CHMP3: variants seen among roughly 807,000 people sequenced by gnomAD.
The protein encoded by CHMP3 is charged multivesicular body protein 3, also known as 25.1 protein.
In CHMP3, 8 loss-of-function variants were observed where a neutral mutation model predicts 27.4. That is an observed-to-expected ratio of 0.29 (90% CI 0.17 to 0.53). The LOEUF (loss-of-function observed/expected upper bound fraction) is 0.53, where lower values mean the gene tolerates loss of function less well. Ranked by LOEUF, CHMP3 falls within the 20% of genes least tolerant of loss-of-function variation. The pLI, the probability that CHMP3 is intolerant of heterozygous loss-of-function variation, is 0.96. For synonymous variants in CHMP3, 86 were observed against 85.5 expected (o/e 1.01, Z -0.03); for missense variants, 208 against 271.5 (o/e 0.77, Z 1.64).
intron 1 of CHMP3, among the ~76,000 whole-genome samples, chr2:86,559,540 T>C (rs879356209): frequency 1.3e-5 from 2 of 152,388 alleles, no homozygotes; most frequent in Non-Finnish European, 2.9e-5. Context: ...AATTACAGAC[T>C]AATGCTAAGT....
At chr2:86,525,806 A>C (rs1675683525) in intron 3 of CHMP3, among the ~76,000 whole-genome samples, 1 of 152,236 alleles carries the variant, frequency 6.6e-6, no homozygotes, top group South Asian at 2.1e-4. Flanking sequence ...GACTGGAAGA[A>C]GACAAAGTGG....
At chr2:86,550,129 AC>A in intron 1 of CHMP3, among the ~76,000 whole-genome samples, 1 of 152,140 alleles carries the variant, frequency 6.6e-6, no homozygotes, top group East Asian at 1.9e-4. Context: ...CAATCCCAGC[AC>A]CCCGGGAGGC....
At chr2:86,559,977 GAA>G (rs1228145518) in intron 1 of CHMP3, among the ~76,000 whole-genome samples, 1 of 152,162 alleles carries the variant, frequency 6.6e-6, no homozygotes, top group African/African-American at 2.4e-5. Flanking sequence ...TTCATAAAAA[GAA>G]AAGAGGGCCG....
chr2:86,515,593 T>C (rs570173161), intron 3 of CHMP3, among the ~76,000 whole-genome samples: 2 of 152,230 alleles, frequency 1.3e-5, no homozygotes, highest in African/African-American at 4.8e-5. Context: ...AGTGCTGAGA[T>C]TACAGGTGTA....
chr2:86,508,419 C>CG (rs1443913514), intron 4 of CHMP3, among the ~76,000 whole-genome samples: 1 of 152,110 alleles, frequency 6.6e-6, no homozygotes, highest in Non-Finnish European at 1.5e-5. Context: ...AGCAAAGGGT[C>CG]GGAACAGCAA....
chr2:86,563,224 G>T, intron 1 of CHMP3, 80 bp downstream of exon 1: 1 of 1,537,910 alleles, frequency 6.5e-7, no homozygotes, highest in Non-Finnish European at 8.9e-7. Context: ...GCGGTGGGGA[G>T]AAGAGTGTCC....
intron 3 of CHMP3, among the ~76,000 whole-genome samples, chr2:86,520,454 A>G (rs1315625295): frequency 1.3e-5 from 2 of 152,070 alleles, no homozygotes; most frequent in African/African-American, 4.8e-5. Context: ...ATGAGACACC[A>G]CTAGGGGGAT....
intron 1 of CHMP3, among the ~76,000 whole-genome samples, chr2:86,549,105 T>C (rs1438917077): frequency 2.2e-4 from 30 of 137,404 alleles, no homozygotes; most frequent in Admixed American, 3.6e-4. Flanking sequence ...GCCCCTCACC[T>C]CCCAGACGGG....
chr2:86,542,117 ATCAG>A (rs1344049458), intron 2 of CHMP3, 131 bp downstream of exon 2: 30 of 894,572 alleles, frequency 3.4e-5, no homozygotes, highest in African/African-American at 1.4e-4. Context: ...AAAAAGCAAA[ATCAG>A]TCAGACAGCT....
At chr2:86,512,923 A>C (rs1336447068) in intron 3 of CHMP3, among the ~76,000 whole-genome samples, 1 of 152,232 alleles carries the variant, frequency 6.6e-6, no homozygotes, top group Non-Finnish European at 1.5e-5. Context: ...TTCATTACTG[A>C]TGGGAATGCA....
chr2:86,561,678 C>T (rs1392222146), intron 1 of CHMP3: 2 of 152,200 alleles, frequency 1.3e-5, no homozygotes, highest in East Asian at 3.8e-4. Flanking sequence ...CAATCTCATG[C>T]ATCAACCCTG....
At chr2:86,548,748 G>T (rs1419587314) in intron 1 of CHMP3, among the ~76,000 whole-genome samples, 2 of 152,038 alleles carry the variant, frequency 1.3e-5, no homozygotes, top group Non-Finnish European at 2.9e-5. Context: ...GCCGGGCAGA[G>T]GCACTCCTCA....
chr2:86,544,551 C>T (rs531856725), intron 1 of CHMP3, among the ~76,000 whole-genome samples: 84 of 151,982 alleles, frequency 5.5e-4, no homozygotes, highest in African/African-American at 1.9e-3. Context: ...TGACTCTTAA[C>T]GAGCATGCTG....
chr2:86,528,072 C>T (rs1337914660), intron 3 of CHMP3, among the ~76,000 whole-genome samples: 3 of 151,898 alleles, frequency 2.0e-5, no homozygotes. Context: ...CATGATTATT[C>T]TCTTCAGTAT....
intron 3 of CHMP3, among the ~76,000 whole-genome samples, chr2:86,513,016 T>C (rs1020952787): frequency 1.3e-5 from 2 of 152,228 alleles, no homozygotes; most frequent in Non-Finnish European, 2.9e-5. Flanking sequence ...GTAGTTATCA[T>C]AATGAATTAA....
chr2:86,527,201 CA>C (rs1290616383), intron 3 of CHMP3: 2 of 150,972 alleles, frequency 1.3e-5, no homozygotes, highest in African/African-American at 4.9e-5. Context: ...TTGAGCTCAG[CA>C]GTTCAAGACC....
chr2:86,529,979 C>T (rs895654041), intron 2 of CHMP3, among the ~76,000 whole-genome samples: 3 of 152,054 alleles, frequency 2.0e-5, no homozygotes, highest in African/African-American at 7.2e-5. Context: ...CACCTCCACC[C>T]AGACACCCCG....
At chr2:86,540,171 TG>T (rs1424240975) in intron 2 of CHMP3, among the ~76,000 whole-genome samples, 1 of 152,100 alleles carries the variant, frequency 6.6e-6, no homozygotes, top group African/African-American at 2.4e-5. Flanking sequence ...GCTTTGCCTT[TG>T]TATGGTTTTG....
At chr2:86,563,221 G>T in intron 1 of CHMP3, 83 bp downstream of exon 1, 1 of 1,524,992 alleles carries the variant, frequency 6.6e-7, no homozygotes, top group Non-Finnish European at 9.0e-7. Context: ...CAGGCGGTGG[G>T]GAGAAGAGTG....
Sources: gnomAD v4.1 joint callset for allele counts (sites outside exome capture counted in the v4.1 genomes callset) on GRCh38, gnomAD v4.1.1 for gene constraint, MANE v1.5 for transcripts, NCBI Gene and HGNC (gene_info 2026-07-23, HGNC 2026-07-21) for gene names.